ZCWPW2: variants seen among roughly 807,000 people sequenced by gnomAD.
The protein encoded by ZCWPW2 is zinc finger CW-type PWWP domain protein 2.
Under a neutral mutation model 46.6 loss-of-function variants are expected in ZCWPW2, and 45 were observed. The observed-to-expected ratio is 0.96, with a 90% CI of 0.76 to 1.24. ZCWPW2 has a LOEUF of 1.24. Ranked by LOEUF, ZCWPW2 falls within the 50% of genes most tolerant of loss-of-function variation. The pLI is 0.00. For synonymous variants in ZCWPW2, 152 were observed against 137.1 expected (o/e 1.11, Z -0.76); for missense variants, 429 against 403.9 (o/e 1.06, Z -0.53).
At chr3:28,521,930 C>G (rs987389580) in intron 9 of ZCWPW2, among the ~76,000 whole-genome samples, 7 of 152,030 alleles carry the variant, frequency 4.6e-5, no homozygotes, top group African/African-American at 1.7e-4. Context: ...ATCCTGTGTC[C>G]CAATCCTGGT....
chr3:28,371,259 G>T (rs895599303), intron 1 of ZCWPW2, among the ~76,000 whole-genome samples: 1 of 152,066 alleles, frequency 6.6e-6, no homozygotes. Flanking sequence ...TCTGACGCTT[G>T]TTAAAATGGT....
At chr3:28,500,307 A>C (rs560365601) in intron 6 of ZCWPW2, among the ~76,000 whole-genome samples, 1 of 152,248 alleles carries the variant, frequency 6.6e-6, no homozygotes, top group African/African-American at 2.4e-5. Flanking sequence ...TCATGTTTAT[A>C]ATACTACATG....
chr3:28,492,239 G>T (rs1026973827), intron 6 of ZCWPW2, 66 bp downstream of exon 6: 3 of 1,347,090 alleles, frequency 2.2e-6, no homozygotes, highest in Non-Finnish European at 3.0e-6. Flanking sequence ...ATTCTTTAAA[G>T]AAAATTATAT....
In ZCWPW2 at chr3:28,524,590, T is replaced by A. The variant is rs1161539295; in HGVS notation, c.973T>A (p.Tyr325Asn). 3.7e-6 allele frequency: 6 copies of A among 1,609,702 alleles called. No individual in the cohort carries two copies. The African/African-American group carries it at 5.4e-5, about 14-fold the overall frequency. Reference sequence around the variant, plus strand: ...GTTTGAAAACCACTATGAAGAGGACTATCTTGTAATTGATGGGATAAAATT... The same window carrying A: ...GTTTGAAAACCACTATGAAGAGGACAATCTTGTAATTGATGGGATAAAATT... The part of the protein sequence containing the change: ...SLFENHYEED[Y>N]LVIDGIKLKA... The change falls in exon 10 of 10, where the codon TAT becomes AAT. Residue 325 changes from tyrosine (Y) to asparagine (N), a missense_variant. By Grantham distance (143) the Tyr-to-Asn change is moderately radical. Coordinates refer to ENST00000383768, the MANE Select transcript of ZCWPW2 (RefSeq NM_001040432.4).
chr3:28,409,773 T>G (rs901781144), intron 2 of ZCWPW2, among the ~76,000 whole-genome samples: 1 of 152,096 alleles, frequency 6.6e-6, no homozygotes, highest in African/African-American at 2.4e-5. Flanking sequence ...ATTAATTTGT[T>G]TTAATACAAG....
Position 28,390,523 on chromosome 3 carries a change from C to T in ZCWPW2, c.-108C>T. 1.0e-6 allele frequency: 1 copy of T among 985,348 alleles called. No homozygotes were observed. Among genetic ancestry groups the T allele is most frequent in the Non-Finnish European group, 1.2e-6 (1 of 829,912 alleles). 61.0% of individuals were successfully genotyped at this position (985,348 alleles called of 1,614,324 possible). ...ATTCATCCCAGTAGAACGCCTGCCT[C>T]TTTAGTGACTACAGACCTCACTTCC... On this transcript the variant is annotated 5_prime_UTR_variant, in exon 2 of 10. Coordinates refer to ENST00000383768, the MANE Select transcript of ZCWPW2 (RefSeq NM_001040432.4).
chr3:28,473,483 A>C (rs996256707), intron 4 of ZCWPW2, among the ~76,000 whole-genome samples: 4 of 152,192 alleles, frequency 2.6e-5, no homozygotes, highest in Middle Eastern at 3.4e-3. Context: ...GCAAAAAAAA[A>C]ACAAAAAAAT....
At chr3:28,413,541 GA>G in intron 3 of ZCWPW2, 141 bp downstream of exon 3, 2 of 726,400 alleles carry the variant, frequency 2.8e-6, no homozygotes, top group East Asian at 5.8e-5. Flanking sequence ...TACTTCTTTG[GA>G]TTTTTTTCTA....
chr3:28,367,217 G>C (rs1048538049), intron 1 of ZCWPW2, among the ~76,000 whole-genome samples: 3 of 152,052 alleles, frequency 2.0e-5, no homozygotes, highest in Admixed American at 1.3e-4. Flanking sequence ...TGCTTCTCTA[G>C]TTCTTTTAAT....
At chr3:28,398,790 C>T (rs1335449103) in intron 2 of ZCWPW2, among the ~76,000 whole-genome samples, 2 of 152,138 alleles carry the variant, frequency 1.3e-5, no homozygotes, top group Non-Finnish European at 2.9e-5. Flanking sequence ...GACCTGTGAG[C>T]TCGCTGGGTC....
intron 6 of ZCWPW2, among the ~76,000 whole-genome samples, chr3:28,500,446 A>AT: frequency 6.6e-6 from 1 of 152,104 alleles, no homozygotes; most frequent in African/African-American, 2.4e-5. Context: ...CTGTTTTTTA[A>AT]TTTTTTGTTT....
intron 9 of ZCWPW2, among the ~76,000 whole-genome samples, chr3:28,523,797 T>C (rs1370397724): frequency 6.6e-6 from 1 of 152,166 alleles, no homozygotes; most frequent in Non-Finnish European, 1.5e-5. Context: ...ATTATGTTCT[T>C]CTTAAGCTAA....
chr3:28,512,890 C>T (rs532985559), intron 6 of ZCWPW2, among the ~76,000 whole-genome samples: 4 of 152,094 alleles, frequency 2.6e-5, no homozygotes, highest in Admixed American at 2.0e-4. Flanking sequence ...AACTTAAATA[C>T]TTATTTTTAA....
intron 4 of ZCWPW2, among the ~76,000 whole-genome samples, chr3:28,455,723 A>G (rs540805611): frequency 6.6e-6 from 1 of 152,190 alleles, no homozygotes; most frequent in South Asian, 2.1e-4. Flanking sequence ...TTCTCCCAGT[A>G]GCTTCTATTA....
At chr3:28,374,948 G>A (rs919197516) in intron 1 of ZCWPW2, among the ~76,000 whole-genome samples, 1 of 150,168 alleles carries the variant, frequency 6.7e-6, no homozygotes, top group Admixed American at 6.6e-5. Flanking sequence ...ATTATATTAC[G>A]GTCTCTCTCT....
chr3:28,423,968 G>T (rs1386397453), intron 3 of ZCWPW2, among the ~76,000 whole-genome samples: 1 of 151,956 alleles, frequency 6.6e-6, no homozygotes, highest in East Asian at 1.9e-4. Context: ...TTTCATCATA[G>T]GTGGTGTGTG....
At chr3:28,491,504 G>T (rs1295175789) in intron 5 of ZCWPW2, among the ~76,000 whole-genome samples, 1 of 152,012 alleles carries the variant, frequency 6.6e-6, no homozygotes, top group Non-Finnish European at 1.5e-5. Flanking sequence ...AAATGTACTA[G>T]TAGTTTCCAT....
At chr3:28,505,973 A>G (rs955279852) in intron 6 of ZCWPW2, among the ~76,000 whole-genome samples, 43 of 151,318 alleles carry the variant, frequency 2.8e-4, no homozygotes, top group African/African-American at 1.0e-3. Flanking sequence ...TATGCAGATT[A>G]TATAAATCTA....
chr3:28,436,392 C>T (rs1035203884), intron 4 of ZCWPW2, among the ~76,000 whole-genome samples: 2 of 147,044 alleles, frequency 1.4e-5, no homozygotes, highest in Non-Finnish European at 1.5e-5. Flanking sequence ...TTGCCTCAGC[C>T]TCCCAAGTAG....
Sources: gnomAD v4.1 joint callset for allele counts (sites outside exome capture counted in the v4.1 genomes callset) on GRCh38, gnomAD v4.1.1 for gene constraint, MANE v1.5 for transcripts, NCBI Gene and HGNC (gene_info 2026-07-23, HGNC 2026-07-21) for gene names.